LMO1: variants seen among roughly 807,000 people sequenced by gnomAD.
LMO1 encodes rhombotin-1.
LMO1 carries 10 observed loss-of-function variants against 18.0 expected under a neutral mutation model. That is an observed-to-expected ratio of 0.55 (90% confidence interval 0.34 to 0.94). The LOEUF (loss-of-function observed/expected upper bound fraction) is 0.94. Ranked by LOEUF, LMO1 falls within the 40% of genes least tolerant of loss-of-function variation. The pLI, the probability that LMO1 is intolerant of heterozygous loss-of-function variation, is 0.02. For missense variants in LMO1, 183 were observed against 205.7 expected, an observed-to-expected ratio of 0.89 and a Z score of 0.68; for synonymous variants, 77 against 77.9, an observed-to-expected ratio of 0.99 and a Z score of 0.06.
chr11:8,252,297 G>A lies in LMO1; in HGVS notation c.25+11041C>T, dbSNP rs140444095. On this transcript the variant is annotated intron_variant, in intron 1 of 3. Transcript: ENST00000335790. ...TTGTGAAGATGAAATGAAAGACTCCGAGACATCTGTGCCCTTCCCTGGCAT... is the reference window on the plus strand; with the variant it reads ...TTGTGAAGATGAAATGAAAGACTCCAAGACATCTGTGCCCTTCCCTGGCAT... Among the ~76,000 whole-genome samples the A allele has an allele frequency of 6.6e-5, 10 of 152,260 alleles. No homozygotes were observed. The East Asian group carries it at 1.7e-3, about 27-fold the overall frequency.
intron 1 of LMO1, among the ~76,000 whole-genome samples, chr11:8,237,712 G>T (rs532769334): frequency 6.6e-6 from 1 of 152,376 alleles, no homozygotes; most frequent in East Asian, 1.9e-4. Flanking sequence ...AGGCTGAGAG[G>T]CTAGGCTCCG....
chr11:8,261,128 G>A (rs917378027), intron 1 of LMO1, among the ~76,000 whole-genome samples: 6 of 152,238 alleles, frequency 3.9e-5, no homozygotes, highest in African/African-American at 1.2e-4. Flanking sequence ...GACAGCTATG[G>A]GCTGGGTAGG....
At chr11:8,245,546 C>T (rs1405108636) in intron 1 of LMO1, among the ~76,000 whole-genome samples, 4 of 152,208 alleles carry the variant, frequency 2.6e-5, no homozygotes, top group Non-Finnish European at 4.4e-5. Flanking sequence ...ACTAACCCCA[C>T]TTCATAGATC....
At chr11:8,250,895 C>T (rs1032763204) in intron 1 of LMO1, among the ~76,000 whole-genome samples, 3 of 152,220 alleles carry the variant, frequency 2.0e-5, no homozygotes, top group African/African-American at 7.2e-5. Flanking sequence ...ACTCACTGGC[C>T]TCCAGGCTTT....
chr11:8,231,991 AG>A (rs1952670767), intron 1 of LMO1, among the ~76,000 whole-genome samples: 1 of 152,152 alleles, frequency 6.6e-6, no homozygotes, highest in Non-Finnish European at 1.5e-5. Context: ...GGGGAAATTG[AG>A]GCTCAGACAG....
intron 1 of LMO1, among the ~76,000 whole-genome samples, chr11:8,243,613 A>C (rs1846836641): frequency 6.6e-6 from 1 of 152,218 alleles, no homozygotes; most frequent in South Asian, 2.1e-4. Context: ...CAGAGCACAG[A>C]GTCTGCAGCC....
intron 1 of LMO1, among the ~76,000 whole-genome samples, chr11:8,254,743 A>T (rs1210940194): frequency 2.0e-5 from 3 of 151,932 alleles, no homozygotes; most frequent in Non-Finnish European, 4.4e-5. Context: ...CCTTCCTTGA[A>T]CTCTGAGTGT....
Position 8,263,790 on chromosome 11 carries a change from G to A in LMO1, c.-428C>T. 1 of 1,070,710 alleles carries A rather than the reference G, an allele frequency of 9.3e-7. No homozygotes were observed. Among genetic ancestry groups the A allele is most frequent in the Non-Finnish European group, 1.1e-6 (1 of 883,774 alleles). The allele number at this position is 1,070,710 out of a possible 1,614,324, so 66.3% of individuals were successfully genotyped here. ...AGCCTCATAAAGTGTTTTCCCCTCG[G>A]ATTTAATCTGAATCTCAATCTAAAA... On this transcript the variant is annotated 5_prime_UTR_variant, in exon 1 of 4. Transcript: ENST00000335790.
chr11:8,257,293 C>T lies in LMO1; in HGVS notation c.25+6045G>A, dbSNP rs555332772. 8.5e-5 allele frequency among the ~76,000 whole-genome samples: 13 copies of T among 152,334 alleles called. 1 individual carries two copies. In the South Asian group the frequency reaches 2.7e-3, roughly 32 times the overall value. On this transcript the variant is annotated intron_variant, in intron 1 of 3. Transcript: ENST00000335790. ...GGAAATGGGAGGACACCTTGCATGT[C>T]TCAGTGTCCTCCAACTCCAGACAGG...
intron 1 of LMO1, among the ~76,000 whole-genome samples, chr11:8,240,419 C>G (rs144616749): frequency 6.6e-6 from 1 of 152,196 alleles, no homozygotes; most frequent in South Asian, 2.1e-4. Context: ...GAAGCTGACT[C>G]TGGTTTGGGG....
chr11:8,255,333 C>T (rs1847072590), intron 1 of LMO1, among the ~76,000 whole-genome samples: 1 of 152,144 alleles, frequency 6.6e-6, no homozygotes, highest in Non-Finnish European at 1.5e-5. Context: ...GTAATGAAAT[C>T]TCATCTCTAC....
intron 1 of LMO1, among the ~76,000 whole-genome samples, chr11:8,243,444 G>A (rs1457945072): frequency 6.6e-6 from 1 of 152,196 alleles, no homozygotes; most frequent in Non-Finnish European, 1.5e-5. Flanking sequence ...CCGGAAACCT[G>A]GTGGGAGAAA....
At chr11:8,231,719 G>T (rs530612828) in intron 1 of LMO1, among the ~76,000 whole-genome samples, 1 of 152,162 alleles carries the variant, frequency 6.6e-6, no homozygotes, top group South Asian at 2.1e-4. Context: ...CCTTCTACTG[G>T]CCCCGTCCTC....
At chr11:8,237,938 G>T (rs1048990532) in intron 1 of LMO1, among the ~76,000 whole-genome samples, 7 of 152,252 alleles carry the variant, frequency 4.6e-5, no homozygotes, top group Non-Finnish European at 8.8e-5. Flanking sequence ...TACTTTAAAG[G>T]ATTGAGGATT....
chr11:8,267,157 C>G (rs1847269509), upstream of LMO1, among the ~76,000 whole-genome samples: 2 of 152,182 alleles, frequency 1.3e-5, no homozygotes, highest in African/African-American at 4.8e-5. Context: ...TTGTGGAGGC[C>G]TAAGCCAAAT....
chr11:8,263,608 G>T lies in LMO1; in HGVS notation c.-246C>A, dbSNP rs1301456796. ...GGAAGGAACTACGAACTGCAATTTA[G>T]AGAGAGAGGGAGAGGGAGAGAGAAG... On this transcript the variant is annotated 5_prime_UTR_variant, in exon 1 of 4. Coordinates refer to ENST00000335790, the MANE Select transcript of LMO1 (RefSeq NM_002315.3). 1 of 1,354,240 alleles carries T rather than the reference G, an allele frequency of 7.4e-7. No homozygotes were observed. Among genetic ancestry groups the T allele is most frequent in the Non-Finnish European group, 9.5e-7 (1 of 1,056,648 alleles). 83.9% of individuals were successfully genotyped at this position (1,354,240 alleles called of 1,614,324 possible). A position where few individuals can be genotyped will look rare whatever the true frequency, so the allele number is the denominator to read the frequency against.
chr11:8,263,438 G>GA lies in LMO1; in HGVS notation c.-77_-76insT. ...CCGACTCGGGGCGCGCTTTGGAGGGGCGGCCGGTCTTCGGGCAGCTAGCGG... is the reference window on the plus strand; with the variant it reads ...CCGACTCGGGGCGCGCTTTGGAGGGGACGGCCGGTCTTCGGGCAGCTAGCGG... On this transcript the variant is annotated 5_prime_UTR_variant, in exon 1 of 4. Transcript: ENST00000335790. 5 of 1,578,594 alleles carry GA rather than the reference G, an allele frequency of 3.2e-6. No individual in the cohort carries two copies. The highest frequency in any genetic ancestry group is 1.7e-5 in the Admixed American group (1 of 57,168).
chr11:8,268,605 G>C (rs1847285423), upstream of LMO1: 1 of 446,308 alleles, frequency 2.2e-6, no homozygotes, highest in Admixed American at 4.7e-5. Context: ...ACCGGAGTCC[G>C]GAGCGCAGCC....
chr11:8,247,934 C>T (rs1846924033), intron 1 of LMO1, among the ~76,000 whole-genome samples: 1 of 152,218 alleles, frequency 6.6e-6, no homozygotes, highest in Non-Finnish European at 1.5e-5. Context: ...ACCAACACCT[C>T]CTCGGGTGGG....
Sources: gnomAD v4.1 joint callset for allele counts (sites outside exome capture counted in the v4.1 genomes callset) on GRCh38, gnomAD v4.1.1 for gene constraint, MANE v1.5 for transcripts, NCBI Gene and HGNC (gene_info 2026-07-23, HGNC 2026-07-21) for gene names.